Variants in NGEF observed in about 807,000 individuals in gnomAD.
NGEF encodes the protein ephexin-1.
NGEF carries 31 observed loss-of-function variants against 80.9 expected under a neutral mutation model. That is an observed-to-expected ratio of 0.38 (90% confidence interval 0.29 to 0.52). The LOEUF is 0.52. NGEF is among the 20% of genes least tolerant of loss of function. The probability of loss-of-function intolerance (pLI) is 0.84; values close to 1 mark genes in which losing one functional copy is unlikely to be tolerated. For missense variants in NGEF, 709 were observed against 926.2 expected (o/e 0.77, Z 3.04); for synonymous variants, 371 against 370.2 (o/e 1.00, Z -0.03).
intron 5 of NGEF, among the ~76,000 whole-genome samples, chr2:232,903,649 T>C (rs1348113030): frequency 2.6e-5 from 4 of 152,228 alleles, no homozygotes; most frequent in Non-Finnish European, 5.9e-5. Flanking sequence ...TGGTATTTGC[T>C]TTCTAACGCC....
chr2:232,974,825 G>A lies in NGEF; in HGVS notation c.66C>T (p.Asn22=), dbSNP rs1283204492. Residue 22 remains asparagine, a synonymous_variant, in exon 2 of 15, where the codon AAC becomes AAT. Transcript: ENST00000264051. ...TCACCTTGGCTGGTTCATTATCAGTGTTCCATTGATCACTTGCTGATTTCC... is the reference window on the plus strand; with the variant it reads ...TCACCTTGGCTGGTTCATTATCAGTATTCCATTGATCACTTGCTGATTTCC... The part of the protein sequence containing the change: ...TRRKSASDQW[N]TDNEPAKVKP... 1 of 1,614,200 alleles carries A rather than the reference G, an allele frequency of 6.2e-7. No homozygotes were observed. The highest frequency in any genetic ancestry group is 1.1e-5 in the South Asian group (1 of 91,086).
intron 1 of NGEF, among the ~76,000 whole-genome samples, chr2:232,998,883 G>A (rs1694911174): frequency 6.6e-6 from 1 of 152,178 alleles, no homozygotes; most frequent in East Asian, 1.9e-4. Context: ...GGGTGATGTT[G>A]CATATCTAGT....
At chr2:232,916,543 G>T (rs1692806960) in intron 5 of NGEF, among the ~76,000 whole-genome samples, 1 of 152,296 alleles carries the variant, frequency 6.6e-6, no homozygotes, top group South Asian at 2.1e-4. Context: ...CAACAGAAAA[G>T]GGGGAAAAGA....
intron 8 of NGEF, among the ~76,000 whole-genome samples, chr2:232,889,454 C>T (rs1691807601): frequency 1.3e-5 from 2 of 152,182 alleles, no homozygotes; most frequent in African/African-American, 4.8e-5. Flanking sequence ...CCCCAGCTGT[C>T]CCCATTCCAC....
At chr2:232,901,508 TGC>T in intron 5 of NGEF, 1 of 906,236 alleles carries the variant, frequency 1.1e-6, no homozygotes, top group Non-Finnish European at 1.3e-6. Flanking sequence ...GATGCGTTGT[TGC>T]AGCTGCGTCA....
At chr2:232,893,574 G>C (rs113564519) in intron 6 of NGEF, among the ~76,000 whole-genome samples, 2 of 152,170 alleles carry the variant, frequency 1.3e-5, no homozygotes, top group African/African-American at 4.8e-5. Context: ...AGGAGTTCGA[G>C]ACCAGCCTGG....
chr2:233,006,512 C>G (rs1455526306), intron 1 of NGEF, among the ~76,000 whole-genome samples: 2 of 152,192 alleles, frequency 1.3e-5, no homozygotes, highest in Non-Finnish European at 2.9e-5. Flanking sequence ...TCTTCCCAGA[C>G]AGCTGATTCT....
intron 1 of NGEF, among the ~76,000 whole-genome samples, chr2:233,006,623 C>T (rs1303254562): frequency 6.6e-6 from 1 of 152,168 alleles, no homozygotes; most frequent in Non-Finnish European, 1.5e-5. Context: ...TGAAAGTTAA[C>T]TGTTGTATTG....
chr2:232,881,175 A>G lies in NGEF; in HGVS notation c.1913T>C (p.Ile638Thr), dbSNP rs1265658610. ...GTCAGTCTTGTCCAGGATGTTGAGG[A>G]TGTCGGCGAGCTCCAGCGTCAGCTC... ...PDELTLELAD[I>T]LNILDKTDDG... The change falls in exon 14 of 15, where the codon ATC (isoleucine) becomes ACC (threonine). Residue 638 changes from isoleucine (I) to threonine (T), a missense_variant. By Grantham distance (89) the Ile-to-Thr change is moderately conservative (BLOSUM62 -1). Around this residue, in one of 2 missense-constraint regions of NGEF, gnomAD observed 426 missense variants for 622.9 expected, o/e 0.68. Coordinates refer to ENST00000264051, the MANE Select transcript of NGEF (RefSeq NM_019850.3). 1.2e-6 allele frequency: 2 copies of G among 1,612,390 alleles called. No individual in the cohort carries two copies. The highest frequency in any genetic ancestry group is 1.1e-5 in the South Asian group (1 of 91,076).
chr2:232,990,606 T>C lies in NGEF; in HGVS notation c.-74-15642A>G, dbSNP rs537891047. 1.9e-3 allele frequency among the ~76,000 whole-genome samples: 288 copies of C among 152,178 alleles called. 1 individual carries two copies. Among genetic ancestry groups the C allele is most frequent in the African/African-American group, 6.1e-3 (255 of 41,560 alleles). On this transcript the variant is annotated intron_variant, in intron 1 of 14. Coordinates refer to ENST00000264051, the MANE Select transcript of NGEF (RefSeq NM_019850.3). ...AAAGAGAGCCTTCTTCTCCCAAATA[T>C]CATTAAATGTTACAATAATAAAAGG...
chr2:233,001,241 C>G (rs1313516763), intron 1 of NGEF, among the ~76,000 whole-genome samples: 1 of 152,226 alleles, frequency 6.6e-6, no homozygotes, highest in Non-Finnish European at 1.5e-5. Flanking sequence ...AGGCATGAGA[C>G]AGACCTCTCG....
At chr2:232,989,854 T>G (rs916286207) in intron 1 of NGEF, among the ~76,000 whole-genome samples, 1 of 152,186 alleles carries the variant, frequency 6.6e-6, no homozygotes, top group Admixed American at 6.5e-5. Flanking sequence ...TAGAAAGTCT[T>G]AATACAATAT....
At chr2:232,962,380 T>C (rs1559226023) in intron 3 of NGEF, among the ~76,000 whole-genome samples, 2 of 151,830 alleles carry the variant, frequency 1.3e-5, no homozygotes, top group South Asian at 4.2e-4. Flanking sequence ...CTACTAAAAA[T>C]ACAACAACAA....
Position 232,882,272 on chromosome 2 carries a change from C to T in NGEF, c.1758-7G>A. ...CCAACGCTTCATCTCACTCCTGGCA[C>T]AGGGAAGAGGACAGTGCCCCAACTG... On this transcript the variant is annotated splice_polypyrimidine_tract_variant and splice_region_variant and intron_variant, in intron 12 of 14. Transcript: ENST00000264051. The T allele has an allele frequency of 6.2e-7, 1 of 1,612,890 alleles. No individual in the cohort carries two copies. The highest frequency in any genetic ancestry group is 8.5e-7 in the Non-Finnish European group (1 of 1,179,506).
At position 232,974,742 on chromosome 2, in the gene NGEF, T is replaced by A. The variant is rs1694258481; in HGVS notation, c.149A>T (p.Asp50Val). ...ETSQADQDIQ[D>V]KEPHCHIPIK... ...TGGGATGTGGCAATGAGGCTCTTTG[T>A]CTTGGATATCCTGGTCAGCTTGAGA... Residue 50 changes from aspartate to valine, a missense_variant, in exon 2 of 15, where the codon GAC becomes GTC. Physicochemically the swap from Asp to Val is radical, Grantham distance 152. Coordinates refer to ENST00000264051, the MANE Select transcript of NGEF (RefSeq NM_019850.3). 3 of 1,614,130 alleles carry A rather than the reference T, an allele frequency of 1.9e-6. No homozygotes were observed. The highest frequency in any genetic ancestry group is 2.2e-5 in the South Asian group (2 of 91,088).
chr2:232,895,012 G>T, intron 5 of NGEF, 96 bp from the exon 6 acceptor site: 1 of 1,402,456 alleles, frequency 7.1e-7, no homozygotes, highest in South Asian at 1.5e-5. Flanking sequence ...AGGCTCAGCA[G>T]GGAGTTGAAA....
chr2:232,928,589 G>A (rs1409601706), intron 3 of NGEF, among the ~76,000 whole-genome samples: 1 of 152,170 alleles, frequency 6.6e-6, no homozygotes, highest in Non-Finnish European at 1.5e-5. Flanking sequence ...TGTCCCCGCT[G>A]GAGGGGGTCT....
chr2:232,945,912 A>C (rs1693547369), intron 3 of NGEF, among the ~76,000 whole-genome samples: 1 of 152,090 alleles, frequency 6.6e-6, no homozygotes, highest in Non-Finnish European at 1.5e-5. Context: ...TACGAAAAAA[A>C]ATACTTGCAC....
chr2:232,973,638 G>A (rs1041419607), intron 2 of NGEF, among the ~76,000 whole-genome samples: 2 of 152,212 alleles, frequency 1.3e-5, no homozygotes, highest in Non-Finnish European at 2.9e-5. Context: ...GTGGAGCAGA[G>A]GCAGGCAGTC....
Sources: gnomAD v4.1 joint callset for allele counts (sites outside exome capture counted in the v4.1 genomes callset) on GRCh38, gnomAD v4.1.1 for gene constraint, gnomAD v4.1.1 regional missense constraint, MANE v1.5 for transcripts, NCBI Gene and HGNC (gene_info 2026-07-23, HGNC 2026-07-21) for gene names.